The following ZFHX4 variants were observed in gnomAD, a reference collection of about 807,000 sequenced individuals.
ZFHX4 encodes the protein zinc finger homeobox 4, also known as zinc finger homeobox protein 4.
In ZFHX4, 56 loss-of-function variants were observed where a neutral mutation model predicts 267.6. That is an observed-to-expected ratio of 0.21 (90% CI 0.17 to 0.26). The LOEUF (loss-of-function observed/expected upper bound fraction) is 0.26. Ranked by LOEUF, ZFHX4 falls within the 10% of genes least tolerant of loss-of-function variation. The pLI is 1.00. For missense variants in ZFHX4, 4,332 were observed against 4,420.0 expected (o/e 0.98, Z 0.56); for synonymous variants, 1,778 against 1,665.6 (o/e 1.07, Z -1.64).
intron 3 of ZFHX4, among the ~76,000 whole-genome samples, chr8:76,775,895 CT>C (rs904035424): frequency 0.024 from 2,899 of 122,320 alleles, 59 homozygotes; most frequent in African/African-American, 0.057. Context: ...AGTAAGTTTT[CT>C]TTTTTTTTTT....
At chr8:76,771,668 G>C (rs1172232190) in intron 3 of ZFHX4, among the ~76,000 whole-genome samples, 3 of 152,048 alleles carry the variant, frequency 2.0e-5, no homozygotes, top group Non-Finnish European at 4.4e-5. Context: ...TCAAACTCCT[G>C]ATTTCAAGGT....
Position 76,778,412 on chromosome 8 carries a change from G to A in ZFHX4, c.3298G>A (p.Val1100Ile), listed in dbSNP as rs897611449. Reference sequence around the variant, plus strand: ...GGACAACCTCAGTGAGATCTTTTTTGTTAAAGATTGCCCACCAAATGAGCT... The same window carrying A: ...GGACAACCTCAGTGAGATCTTTTTTATTAAAGATTGCCCACCAAATGAGCT... Reference protein sequence around the residue: ...EEDNLSEIFFVKDCPPNELET... With the variant: ...EEDNLSEIFFIKDCPPNELET... The change falls in exon 4 of 11, where the codon GTT (valine) becomes ATT (isoleucine). Residue 1100 changes from valine to isoleucine, a missense_variant. Coordinates refer to ENST00000651372, the MANE Select transcript of ZFHX4 (RefSeq NM_024721.5). 16 of 1,613,494 alleles carry A rather than the reference G, an allele frequency of 9.9e-6. No individual in the cohort carries two copies. The African/African-American group carries it at 1.7e-4, about 18-fold the overall frequency.
At position 76,704,374 on chromosome 8, in the gene ZFHX4, A is replaced by G; in HGVS notation, c.286A>G (p.Met96Val). 6.2e-7 allele frequency: 1 copy of G among 1,613,992 alleles called. No homozygotes were observed. Among genetic ancestry groups the G allele is most frequent in the Non-Finnish European group, 8.5e-7 (1 of 1,179,880 alleles). The change falls in exon 2 of 11, where the codon ATG becomes GTG. Residue 96 changes from methionine (M) to valine (V), a missense_variant. By Grantham distance (21) the Met-to-Val change is conservative (BLOSUM62 1). This residue lies in a region of ZFHX4 where 1,195 missense variants were observed against 1,173.6 expected (regional missense o/e 1.02). Coordinates refer to ENST00000651372, the MANE Select transcript of ZFHX4 (RefSeq NM_024721.5). The part of the protein sequence containing the change: ...ATSFPSLQKY[M>V]EHHCPNARLP... Reference sequence around the variant, plus strand: ...TTCTTTTCCCAGTTTACAGAAATACATGGAACACCACTGCCCTAATGCCCG... The same window carrying G: ...TTCTTTTCCCAGTTTACAGAAATACGTGGAACACCACTGCCCTAATGCCCG...
At chr8:76,761,779 A>C (rs944253993) in intron 3 of ZFHX4, among the ~76,000 whole-genome samples, 1 of 152,214 alleles carries the variant, frequency 6.6e-6, no homozygotes, top group Admixed American at 6.5e-5. Context: ...AATGAGGTTT[A>C]GAAGCAAATG....
intron 4 of ZFHX4, among the ~76,000 whole-genome samples, chr8:76,824,951 G>A (rs1413608065): frequency 6.6e-6 from 1 of 152,042 alleles, no homozygotes; most frequent in African/African-American, 2.4e-5. Context: ...AATTTGCTTA[G>A]GGATTTACTT....
Position 76,855,647 on chromosome 8 carries a change from C to T in ZFHX4, c.8726C>T (p.Ser2909Phe). 2 of 1,613,906 alleles carry T rather than the reference C, an allele frequency of 1.2e-6. No individual in the cohort carries two copies. Among genetic ancestry groups the T allele is most frequent in the Non-Finnish European group, 1.7e-6 (2 of 1,179,866 alleles). The change falls in exon 10 of 11, where the codon TCC becomes TTC. Residue 2909 changes from serine to phenylalanine, a missense_variant. Around this residue, in one of 7 missense-constraint regions of ZFHX4, gnomAD observed 1,648 missense variants for 1,625.0 expected, o/e 1.01. Transcript: ENST00000651372. ...SETSSIADPSSPNPFGSSNPF... is the reference protein window; with the variant it reads ...SETSSIADPSFPNPFGSSNPF... Reference sequence around the variant, plus strand: ...ACGTCCAGCATAGCGGACCCGAGCTCCCCAAATCCATTCGGATCCAGCAAT... The same window carrying T: ...ACGTCCAGCATAGCGGACCCGAGCTTCCCAAATCCATTCGGATCCAGCAAT...
Position 76,853,226 on chromosome 8 carries a change from T to A in ZFHX4, c.6305T>A (p.Met2102Lys), listed in dbSNP as rs1423251608. 1 of 1,570,936 alleles carries A rather than the reference T, an allele frequency of 6.4e-7. No individual in the cohort carries two copies. Among genetic ancestry groups the A allele is most frequent in the Non-Finnish European group, 8.6e-7 (1 of 1,157,716 alleles). The change falls in exon 10 of 11, where the codon ATG becomes AAG. Residue 2102 changes from methionine to lysine, a missense_variant. Met to Lys is a moderately conservative substitution (Grantham distance 95, BLOSUM62 -1). Transcript: ENST00000651372. ...PPQLALQLPQ[M>K]DALSADLTQL... ...CAGCTTGCCCTGCAGCTGCCACAGA[T>A]GGACGCACTCTCTGCAGACCTCACC...
Position 76,853,109 on chromosome 8 carries a change from C to G in ZFHX4, c.6188C>G (p.Ala2063Gly), listed in dbSNP as rs1812593821. 1 of 1,342,064 alleles carries G rather than the reference C, an allele frequency of 7.5e-7. No homozygotes were observed. The highest frequency in any genetic ancestry group is 9.9e-7 in the Non-Finnish European group (1 of 1,012,232). 83.1% of individuals were successfully genotyped at this position (1,342,064 alleles called of 1,614,324 possible). ...PPPPPPPPPS[A>G]PPQVQLPVSL... ...CCCCCCCCACCTCCTCCACCTTCTG[C>G]TCCTCCACAGGTCCAACTGCCGGTT... Residue 2063 changes from alanine (A) to glycine (G), a missense_variant, in exon 10 of 11, where the codon GCT becomes GGT. Coordinates refer to ENST00000651372, the MANE Select transcript of ZFHX4 (RefSeq NM_024721.5).
chr8:76,811,428 G>C (rs1811375248), intron 4 of ZFHX4, among the ~76,000 whole-genome samples: 1 of 152,126 alleles, frequency 6.6e-6, no homozygotes, highest in Middle Eastern at 3.2e-3. Flanking sequence ...TATGTTGGTG[G>C]CTTCTATACT....
intron 4 of ZFHX4, among the ~76,000 whole-genome samples, chr8:76,829,471 G>T (rs993980066): frequency 8.5e-5 from 13 of 152,140 alleles, no homozygotes; most frequent in Admixed American, 2.0e-4. Flanking sequence ...GGCAATAAAA[G>T]GTAGTGAGAG....
At chr8:76,702,700 G>A (rs573409638) in intron 1 of ZFHX4, among the ~76,000 whole-genome samples, 1 of 152,288 alleles carries the variant, frequency 6.6e-6, no homozygotes, top group African/African-American at 2.4e-5. Context: ...GTCAGGATAT[G>A]TGAAAGTGTT....
intron 4 of ZFHX4, among the ~76,000 whole-genome samples, chr8:76,786,628 A>C (rs1235159817): frequency 1.3e-5 from 2 of 152,108 alleles, no homozygotes; most frequent in East Asian, 1.9e-4. Flanking sequence ...TAACCAACCC[A>C]AAAAATAAGA....
At chr8:76,831,714 G>A (rs761635295) in intron 4 of ZFHX4, among the ~76,000 whole-genome samples, 8 of 152,154 alleles carry the variant, frequency 5.3e-5, no homozygotes, top group Non-Finnish European at 1.2e-4. Context: ...ATACATGTAA[G>A]CTAATCATCA....
rs189166076 is a variant in ZFHX4 at position 76,785,773 on chromosome 8, G to T, written c.3325+7334G>T. Among the ~76,000 whole-genome samples the T allele has an allele frequency of 1.7e-3, 262 of 152,228 alleles. 1 individual carries two copies. The highest frequency in any genetic ancestry group is 5.9e-3 in the African/African-American group (246 of 41,554). On this transcript the variant is annotated intron_variant, in intron 4 of 10. Coordinates refer to ENST00000651372, the MANE Select transcript of ZFHX4 (RefSeq NM_024721.5). ...TGGAGAATTGAGGCAATTTTTCAAAGAATTTAGATTAAGGTGGCACATTTT... is the reference window on the plus strand; with the variant it reads ...TGGAGAATTGAGGCAATTTTTCAAATAATTTAGATTAAGGTGGCACATTTT...
intron 3 of ZFHX4, among the ~76,000 whole-genome samples, chr8:76,755,988 A>T (rs1809750331): frequency 6.6e-6 from 1 of 152,202 alleles, no homozygotes; most frequent in Non-Finnish European, 1.5e-5. Flanking sequence ...CTTGCTTCGT[A>T]GGAGTTCCAT....
At chr8:76,842,486 A>C (rs1341152196) in intron 5 of ZFHX4, among the ~76,000 whole-genome samples, 169 bp from the exon 6 acceptor site, 1 of 152,238 alleles carries the variant, frequency 6.6e-6, no homozygotes, top group African/African-American at 2.4e-5. Flanking sequence ...GCATTGGTAC[A>C]GTCAGCATGA....
At chr8:76,683,899 G>C (rs1807622772) in intron 1 of ZFHX4, 1 of 151,914 alleles carries the variant, frequency 6.6e-6, no homozygotes, top group African/African-American at 2.4e-5. Context: ...ATTGGGACGC[G>C]ACAGTGACAC....
intron 3 of ZFHX4, among the ~76,000 whole-genome samples, chr8:76,720,571 G>A (rs537112171): frequency 1.1e-3 from 169 of 152,160 alleles, no homozygotes; most frequent in African/African-American, 3.6e-3. Context: ...AATATTAACT[G>A]GATTCACATT....
intron 4 of ZFHX4, among the ~76,000 whole-genome samples, chr8:76,793,235 G>A (rs1810886243): frequency 6.6e-6 from 1 of 152,064 alleles, no homozygotes; most frequent in South Asian, 2.1e-4. Context: ...GATTAGGGGT[G>A]AAGTTGTGAT....
Sources: allele counts gnomAD v4.1 joint callset (sites outside exome capture counted in the v4.1 genomes callset), GRCh38; gene constraint gnomAD v4.1.1; regional missense constraint gnomAD v4.1.1; transcripts MANE v1.5; gene names NCBI Gene and HGNC (gene_info 2026-07-23, HGNC 2026-07-21).